The following SNRNP40 variants were observed in gnomAD, a reference collection of about 807,000 sequenced individuals.
SNRNP40 encodes U5 small nuclear ribonucleoprotein 40 kDa protein.
SNRNP40 carries 21 observed loss-of-function variants against 45.8 expected under a neutral mutation model. The observed-to-expected ratio is 0.46, with a 90% CI of 0.32 to 0.66. SNRNP40 has a LOEUF of 0.66. Ranked by LOEUF, SNRNP40 falls within the 30% of genes least tolerant of loss-of-function variation. The pLI, the probability that SNRNP40 is intolerant of heterozygous loss-of-function variation, is 0.03. For missense variants in SNRNP40, 344 were observed against 439.1 expected (o/e 0.78, Z 1.94); for synonymous variants, 142 against 163.8 (o/e 0.87, Z 1.01).
chr1:31,292,693 CTACT>C (rs1469321218), intron 2 of SNRNP40, among the ~76,000 whole-genome samples: 1 of 152,066 alleles, frequency 6.6e-6, no homozygotes, highest in Non-Finnish European at 1.5e-5. Context: ...ACGACTTTTT[CTACT>C]TACTTCTCAA....
At position 31,292,010 on chromosome 1, in the gene SNRNP40, T is replaced by A; in HGVS notation, c.272-4A>T. On this transcript the variant is annotated splice_region_variant and splice_polypyrimidine_tract_variant and intron_variant, in intron 2 of 9. Transcript: ENST00000263694. ...TCACCATAGACATTCCACAGTACTG[T>A]TAGGGAGATGGGTTCTGTGAGCATT... 6.3e-7 allele frequency: 1 copy of A among 1,579,886 alleles called. No individual in the cohort carries two copies. Among genetic ancestry groups the A allele is most frequent in the Non-Finnish European group, 8.7e-7 (1 of 1,148,920 alleles).
intron 1 of SNRNP40, among the ~76,000 whole-genome samples, chr1:31,294,957 G>C (rs1218883949): frequency 2.7e-5 from 4 of 149,192 alleles, no homozygotes; most frequent in Non-Finnish European, 1.5e-5. Flanking sequence ...AAAAAAAAAA[G>C]AAGTTACGTG....
At position 31,259,825 on chromosome 1, in the gene SNRNP40, AAAAAG is replaced by A; in HGVS notation, c.*242_*246del. 2 of 660,212 alleles carry A rather than the reference AAAAAG, an allele frequency of 3.0e-6. No homozygotes were observed. Among genetic ancestry groups the A allele is most frequent in the East Asian group, 2.9e-5 (1 of 34,508 alleles). The allele number at this position is 660,212 out of a possible 1,614,324, so 40.9% of individuals were successfully genotyped here. On this transcript the variant is annotated 3_prime_UTR_variant, in exon 10 of 10. Coordinates refer to ENST00000263694, the MANE Select transcript of SNRNP40 (RefSeq NM_004814.3). ...CCTGCATTAGAAAACAGGAAAAAAG[AAAAAG>A]AAAAAAAAAAACAGTCCCTGAAATC...
At chr1:31,274,372 G>A (rs1057310418) in intron 5 of SNRNP40, among the ~76,000 whole-genome samples, 2 of 151,954 alleles carry the variant, frequency 1.3e-5, no homozygotes, top group Non-Finnish European at 2.9e-5. Flanking sequence ...GAGTAGCTGG[G>A]ACTACAGGCG....
At chr1:31,277,706 A>G (rs900256338) in intron 5 of SNRNP40, among the ~76,000 whole-genome samples, 1 of 152,104 alleles carries the variant, frequency 6.6e-6, no homozygotes, top group Non-Finnish European at 1.5e-5. Context: ...CTTTTTTTTA[A>G]TGCTTTGAGA....
chr1:31,288,940 C>A (rs1209873844), intron 4 of SNRNP40, among the ~76,000 whole-genome samples: 1 of 152,176 alleles, frequency 6.6e-6, no homozygotes, highest in African/African-American at 2.4e-5. Flanking sequence ...ACCGTGTTAG[C>A]CAGGATGGTC....
chr1:31,271,791 A>G (rs1369318985), intron 5 of SNRNP40, among the ~76,000 whole-genome samples: 1 of 152,044 alleles, frequency 6.6e-6, no homozygotes, highest in East Asian at 1.9e-4. Context: ...CTACAGGAGC[A>G]TGCTACTATA....
intron 1 of SNRNP40, among the ~76,000 whole-genome samples, chr1:31,295,101 A>G (rs1646133722): frequency 6.6e-6 from 1 of 152,156 alleles, no homozygotes; most frequent in Non-Finnish European, 1.5e-5. Context: ...CTATAGAGCA[A>G]AAGAAGGGAT....
chr1:31,284,588 T>C (rs1386906347), intron 4 of SNRNP40, among the ~76,000 whole-genome samples: 1 of 152,116 alleles, frequency 6.6e-6, no homozygotes, highest in Non-Finnish European at 1.5e-5. Flanking sequence ...GATTTAAAAG[T>C]ATGGGTCGTT....
At chr1:31,283,042 G>A (rs1250252093) in intron 4 of SNRNP40, among the ~76,000 whole-genome samples, 2 of 152,162 alleles carry the variant, frequency 1.3e-5, no homozygotes, top group African/African-American at 4.8e-5. Flanking sequence ...GATCTGAGAA[G>A]GCCGTAAGCT....
chr1:31,263,720 T>C, intron 8 of SNRNP40: 2 of 386,054 alleles, frequency 5.2e-6, no homozygotes, highest in South Asian at 2.0e-5. Flanking sequence ...TTATTCAAGC[T>C]TGCCTTGATG....
At chr1:31,281,282 G>A (rs1159131199) in intron 5 of SNRNP40, 92 bp downstream of exon 5, 1 of 1,097,354 alleles carries the variant, frequency 9.1e-7, no homozygotes, top group South Asian at 1.7e-5. Flanking sequence ...TTGGTATTAA[G>A]TGCAAAGCTA....
intron 4 of SNRNP40, 106 bp downstream of exon 4, chr1:31,289,148 T>C (rs879012127): frequency 2.0e-6 from 2 of 988,588 alleles, no homozygotes; most frequent in South Asian, 1.7e-5. Context: ...GGGAGATGAC[T>C]GCTAAAATTA....
intron 4 of SNRNP40, 154 bp from the exon 5 acceptor site, chr1:31,281,650 A>C: frequency 6.9e-6 from 4 of 579,408 alleles, no homozygotes; most frequent in Non-Finnish European, 1.1e-5. Context: ...AATAACACAC[A>C]TGGTAAGCAG....
At chr1:31,288,097 AG>A (rs1646073483) in intron 4 of SNRNP40, among the ~76,000 whole-genome samples, 1 of 151,902 alleles carries the variant, frequency 6.6e-6, no homozygotes, top group Admixed American at 6.6e-5. Context: ...CGGGAGGTGG[AG>A]GCTACAGTGA....
At chr1:31,295,469 G>A (rs941568679) in intron 1 of SNRNP40, among the ~76,000 whole-genome samples, 6 of 152,220 alleles carry the variant, frequency 3.9e-5, no homozygotes, top group Non-Finnish European at 8.8e-5. Context: ...ATTCGCAGGA[G>A]CTGAATAGTA....
At chr1:31,289,211 T>C (rs1282928606) in intron 4 of SNRNP40, 43 bp downstream of exon 4, 9 of 1,595,340 alleles carry the variant, frequency 5.6e-6, no homozygotes, top group Non-Finnish European at 7.7e-6. Context: ...AAGGTTCACA[T>C]CACATCACCT....
intron 3 of SNRNP40, among the ~76,000 whole-genome samples, chr1:31,291,678 G>A (rs2148391613): frequency 6.6e-6 from 1 of 152,262 alleles, no homozygotes; most frequent in East Asian, 1.9e-4. Context: ...TTTATTTTAT[G>A]TCTTAAAAAA....
chr1:31,285,119 C>T (rs571793168), intron 4 of SNRNP40, among the ~76,000 whole-genome samples: 4 of 152,112 alleles, frequency 2.6e-5, no homozygotes, highest in Admixed American at 6.5e-5. Flanking sequence ...CAGATAACTA[C>T]CACTTTTAAT....
Sources: allele counts gnomAD v4.1 joint callset (sites outside exome capture counted in the v4.1 genomes callset), GRCh38; gene constraint gnomAD v4.1.1; transcripts MANE v1.5; gene names NCBI Gene and HGNC (gene_info 2026-07-23, HGNC 2026-07-21).